Variants in GRID2 observed in about 807,000 individuals in gnomAD.
GRID2 encodes the protein glutamate ionotropic receptor delta type subunit 2, also known as glutamate receptor ionotropic, delta-2.
In GRID2, 33 loss-of-function variants were observed where a neutral mutation model predicts 114.8. The observed-to-expected ratio is 0.29, with a 90% confidence interval of 0.22 to 0.38. The LOEUF is 0.38. GRID2 is among the 10% of genes least tolerant of loss of function. GRID2 has a pLI of 1.00. For missense variants in GRID2, 1,184 were observed against 1,257.7 expected (o/e 0.94, Z 0.89); for synonymous variants, 505 against 449.9 (o/e 1.12, Z -1.55).
chr4:92,874,753 T>G (rs1036248065), intron 2 of GRID2, among the ~76,000 whole-genome samples: 1 of 152,226 alleles, frequency 6.6e-6, no homozygotes. Context: ...ACAAGCTGAC[T>G]TGTAGATGTA....
At chr4:92,949,904 A>T (rs993215877) in intron 2 of GRID2, among the ~76,000 whole-genome samples, 1 of 152,112 alleles carries the variant, frequency 6.6e-6, no homozygotes, top group Non-Finnish European at 1.5e-5. Flanking sequence ...CAGATAAACA[A>T]ACTGATGCTG....
intron 5 of GRID2, among the ~76,000 whole-genome samples, chr4:93,212,771 G>T (rs1016393268): frequency 2.7e-5 from 2 of 74,400 alleles, no homozygotes; most frequent in East Asian, 3.2e-4. Context: ...TTGGTTTTTT[G>T]TTGTTTTTTT....
chr4:92,553,363 T>A (rs1365757994), intron 1 of GRID2, among the ~76,000 whole-genome samples: 1 of 152,182 alleles, frequency 6.6e-6, no homozygotes, highest in Non-Finnish European at 1.5e-5. Context: ...TGAAGAATGA[T>A]GGTTTAATGT....
At chr4:93,257,113 A>G (rs946731456) in intron 8 of GRID2, among the ~76,000 whole-genome samples, 4 of 151,898 alleles carry the variant, frequency 2.6e-5, no homozygotes, top group African/African-American at 9.7e-5. Context: ...AAGAAAAATG[A>G]AGCTCATTCC....
intron 4 of GRID2, among the ~76,000 whole-genome samples, chr4:93,112,991 C>T (rs555506899): frequency 9.9e-5 from 15 of 152,124 alleles, no homozygotes; most frequent in Admixed American, 5.9e-4. Context: ...TCTAAGGTAC[C>T]GGATATTAGG....
chr4:93,550,392 A>T (rs1190741666), intron 13 of GRID2, among the ~76,000 whole-genome samples: 1 of 152,240 alleles, frequency 6.6e-6, no homozygotes, highest in Non-Finnish European at 1.5e-5. Flanking sequence ...GCAGAATTTC[A>T]GAGAACTTCC....
At chr4:92,980,169 T>C (rs1754104702) in intron 2 of GRID2, among the ~76,000 whole-genome samples, 1 of 152,168 alleles carries the variant, frequency 6.6e-6, no homozygotes, top group Non-Finnish European at 1.5e-5. Context: ...TTGACTATTT[T>C]ATCTTTACAT....
At chr4:92,842,071 C>A (rs62311161) in intron 2 of GRID2, among the ~76,000 whole-genome samples, 1 of 152,032 alleles carries the variant, frequency 6.6e-6, no homozygotes, top group African/African-American at 2.4e-5. Flanking sequence ...TGTCATCTCT[C>A]TAAATACGAT....
At chr4:93,039,283 A>G (rs1179503500) in intron 2 of GRID2, among the ~76,000 whole-genome samples, 1 of 151,368 alleles carries the variant, frequency 6.6e-6, no homozygotes, top group Non-Finnish European at 1.5e-5. Flanking sequence ...ACACATGGAC[A>G]CAGGGAGGGG....
At chr4:93,677,373 G>A (rs1724994695) in intron 14 of GRID2, among the ~76,000 whole-genome samples, 1 of 152,164 alleles carries the variant, frequency 6.6e-6, no homozygotes, top group South Asian at 2.1e-4. Context: ...CAAAAAGACA[G>A]CAGTAACCTC....
chr4:92,792,501 A>ACT (rs1739641918), intron 2 of GRID2, among the ~76,000 whole-genome samples: 1 of 137,228 alleles, frequency 7.3e-6, no homozygotes, highest in Non-Finnish European at 1.6e-5. Context: ...ACACACACAC[A>ACT]CACTGTCACT....
chr4:92,470,843 A>G (rs1721998313), intron 1 of GRID2, among the ~76,000 whole-genome samples: 1 of 152,072 alleles, frequency 6.6e-6, no homozygotes, highest in African/African-American at 2.4e-5. Context: ...AATAATATAT[A>G]TGATTTTTCC....
At chr4:93,419,199 G>A (rs1768024462) in intron 9 of GRID2, among the ~76,000 whole-genome samples, 1 of 150,344 alleles carries the variant, frequency 6.7e-6, no homozygotes. Flanking sequence ...TTGAGTACAT[G>A]CCCCACTAAT....
chr4:92,412,137 G>GGT (rs1731370397), intron 1 of GRID2, among the ~76,000 whole-genome samples: 2 of 150,826 alleles, frequency 1.3e-5, no homozygotes, highest in Admixed American at 6.6e-5. Context: ...GTGTGTGTGT[G>GGT]GTGTGTGTGT....
At chr4:92,311,582 AAAAT>A in intron 1 of GRID2, among the ~76,000 whole-genome samples, 1 of 152,128 alleles carries the variant, frequency 6.6e-6, no homozygotes, top group Non-Finnish European at 1.5e-5. Flanking sequence ...TCTTTAAACT[AAAAT>A]AATTAAAAGT....
chr4:93,426,199 A>T (rs1768830187), intron 10 of GRID2, among the ~76,000 whole-genome samples: 3 of 152,220 alleles, frequency 2.0e-5, no homozygotes, highest in Admixed American at 2.0e-4. Context: ...AGTTACATAT[A>T]GAATTGTATT....
intron 8 of GRID2, among the ~76,000 whole-genome samples, chr4:93,362,510 C>T (rs11726712): frequency 0.29 from 44,727 of 151,710 alleles, 7,409 homozygotes; most frequent in East Asian, 0.64. Flanking sequence ...TTCTTTTACC[C>T]TTTACACAGT....
intron 13 of GRID2, among the ~76,000 whole-genome samples, chr4:93,592,485 T>A (rs1258025683): frequency 6.6e-6 from 1 of 152,164 alleles, no homozygotes; most frequent in African/African-American, 2.4e-5. Flanking sequence ...AAGTATGTGG[T>A]CAATTTTGGA....
chr4:92,879,291 C>T (rs1426756204), intron 2 of GRID2, among the ~76,000 whole-genome samples: 1 of 152,144 alleles, frequency 6.6e-6, no homozygotes, highest in Non-Finnish European at 1.5e-5. Flanking sequence ...ATGTGACTGA[C>T]CCTTGTGAAG....
Sources: gnomAD v4.1 joint callset for allele counts (sites outside exome capture counted in the v4.1 genomes callset) on GRCh38, gnomAD v4.1.1 for gene constraint, MANE v1.5 for transcripts, NCBI Gene and HGNC (gene_info 2026-07-23, HGNC 2026-07-21) for gene names.